PHF21A: variants seen among roughly 807,000 people sequenced by gnomAD.
PHF21A encodes the protein PHD finger protein 21A, also known as BHC80a.
In PHF21A, 11 loss-of-function variants were observed where a neutral mutation model predicts 82.5. The ratio of observed to expected loss-of-function variants is 0.13; its 90% CI spans 0.08 to 0.22. The LOEUF (loss-of-function observed/expected upper bound fraction) is 0.22, where lower values mean the gene tolerates loss of function less well. PHF21A is among the 10% of genes least tolerant of loss of function. The pLI, the probability that PHF21A is intolerant of heterozygous loss-of-function variation, is 1.00. For missense variants in PHF21A, 579 were observed against 837.8 expected, an observed-to-expected ratio of 0.69 and a Z score of 3.81; for synonymous variants, 297 against 302.8, an observed-to-expected ratio of 0.98 and a Z score of 0.20.
At chr11:46,057,249 C>T (rs1392245498) in intron 6 of PHF21A, among the ~76,000 whole-genome samples, 2 of 152,154 alleles carry the variant, frequency 1.3e-5, no homozygotes, top group African/African-American at 4.8e-5. Flanking sequence ...TATCAATGTA[C>T]ACTCAACTCA....
chr11:45,972,625 A>C (rs1453473342), intron 7 of PHF21A, among the ~76,000 whole-genome samples: 5 of 152,206 alleles, frequency 3.3e-5, no homozygotes, highest in African/African-American at 4.8e-5. Flanking sequence ...TAAGAATACA[A>C]AAAGTAGACC....
At chr11:45,946,144 A>G (rs1474477435) in intron 14 of PHF21A, 141 bp from the exon 15 acceptor site, 1 of 1,595,338 alleles carries the variant, frequency 6.3e-7, no homozygotes, top group Admixed American at 1.7e-5. Flanking sequence ...GGTTAATTCA[A>G]CAGTCCCAAA....
intron 10 of PHF21A, among the ~76,000 whole-genome samples, chr11:45,956,066 C>G (rs2945998): frequency 0.87 from 132,824 of 152,236 alleles, 58,264 homozygotes; most frequent in East Asian, 1. Context: ...AATTCTATAT[C>G]CTGCAAAACT....
chr11:46,024,673 C>T (rs553636315), intron 6 of PHF21A, among the ~76,000 whole-genome samples: 9 of 152,126 alleles, frequency 5.9e-5, no homozygotes, highest in East Asian at 1.9e-4. Context: ...TGGTGGCACA[C>T]GCCTATAATC....
In PHF21A at chr11:46,081,017, C is replaced by T. The variant is rs565037833; in HGVS notation, c.55-1851G>A. Among the ~76,000 whole-genome samples the T allele has an allele frequency of 3.9e-5, 6 of 152,278 alleles. No homozygotes were observed. The South Asian group carries it at 1.2e-3, about 32-fold the overall frequency. ...CCAGCTCAAATTTGCTGTTTCAGAC[C>T]TGCTGTGTGGTACGCTCACTGGACT... On this transcript the variant is annotated intron_variant, in intron 4 of 18. Coordinates refer to ENST00000676320, the MANE Select transcript of PHF21A (RefSeq NM_001352027.3).
At chr11:45,969,274 T>A (rs935670650) in intron 9 of PHF21A, among the ~76,000 whole-genome samples, 1 of 152,182 alleles carries the variant, frequency 6.6e-6, no homozygotes, top group Non-Finnish European at 1.5e-5. Context: ...GGAAGAACAC[T>A]CTCAGGAGAG....
At chr11:45,955,190 C>T (rs2092535612) in intron 10 of PHF21A, among the ~76,000 whole-genome samples, 1 of 152,064 alleles carries the variant, frequency 6.6e-6, no homozygotes, top group Non-Finnish European at 1.5e-5. Flanking sequence ...TATTATGGTA[C>T]TTCATGCAGA....
At chr11:46,081,780 T>A (rs956229172) in intron 4 of PHF21A, among the ~76,000 whole-genome samples, 1 of 152,238 alleles carries the variant, frequency 6.6e-6, no homozygotes, top group Non-Finnish European at 1.5e-5. Flanking sequence ...CCACCTGTTT[T>A]TGCAAATAAA....
chr11:46,029,615 A>G (rs7130281), intron 6 of PHF21A, among the ~76,000 whole-genome samples: 72,761 of 151,344 alleles, frequency 0.48, 20,024 homozygotes, highest in East Asian at 0.8. Context: ...TTGAACCCAG[A>G]AGGCAAAGGT....
In PHF21A at chr11:45,935,727, T is replaced by C; in HGVS notation, c.1697A>G (p.Glu566Gly). ...ACTCCATTTAAGTAACTTCTGTTTCTCTTCTTCTTTTGCTAAAAAAAAAAA... is the reference window on the plus strand; with the variant it reads ...ACTCCATTTAAGTAACTTCTGTTTCCCTTCTTCTTTTGCTAAAAAAAAAAA... ...YIAYKAAKEE[E>G]KQKLLKWSSD... The change falls in exon 18 of 19, where the codon GAG (glutamate) becomes GGG (glycine). Residue 566 changes from glutamate to glycine, a missense_variant. Physicochemically the swap from Glu to Gly is moderately conservative, Grantham distance 98 (BLOSUM62 -2). Around this residue, in one of 3 missense-constraint regions of PHF21A, gnomAD observed 157 missense variants for 149.4 expected, o/e 1.05. Transcript: ENST00000676320. 8.8e-7 allele frequency: 1 copy of C among 1,141,914 alleles called. No homozygotes were observed. The highest frequency in any genetic ancestry group is 1.3e-6 in the Non-Finnish European group (1 of 788,328). The allele number at this position is 1,141,914 out of a possible 1,614,324, so 70.7% of individuals were successfully genotyped here.
At chr11:45,996,929 T>C (rs180753063) in intron 6 of PHF21A, among the ~76,000 whole-genome samples, 3 of 152,340 alleles carry the variant, frequency 2.0e-5, no homozygotes, top group Admixed American at 6.5e-5. Context: ...AATGTATCCA[T>C]TGTAAATGTT....
At chr11:46,084,104 T>C (rs1219778260) in intron 4 of PHF21A, 62 bp downstream of exon 4, 1 of 1,159,716 alleles carries the variant, frequency 8.6e-7, no homozygotes, top group Non-Finnish European at 1.2e-6. Flanking sequence ...AGAGATGGAC[T>C]TGTTTACTAA....
intron 1 of PHF21A, among the ~76,000 whole-genome samples, chr11:46,092,961 C>G (rs1177217119): frequency 3.3e-5 from 5 of 151,960 alleles, no homozygotes; most frequent in Admixed American, 3.3e-4. Context: ...CACTGTGTTG[C>G]CCAAGCTGGT....
chr11:46,051,914 A>C (rs2096372896), intron 6 of PHF21A, among the ~76,000 whole-genome samples: 1 of 152,246 alleles, frequency 6.6e-6, no homozygotes, highest in African/African-American at 2.4e-5. Flanking sequence ...TAAAATATCC[A>C]AAAATAGCTT....
intron 6 of PHF21A, among the ~76,000 whole-genome samples, chr11:45,987,375 C>T (rs1462559924): frequency 6.6e-6 from 1 of 151,798 alleles, no homozygotes; most frequent in Non-Finnish European, 1.5e-5. Context: ...TAAAAAAGCA[C>T]CTGAGGCCAG....
intron 4 of PHF21A, among the ~76,000 whole-genome samples, chr11:46,080,768 A>C (rs2959086): frequency 1.3e-5 from 2 of 152,012 alleles, no homozygotes; most frequent in Non-Finnish European, 2.9e-5. Context: ...CCTGGGCTTC[A>C]GCAATCTTCC....
At chr11:46,082,296 T>C (rs1022225000) in intron 4 of PHF21A, among the ~76,000 whole-genome samples, 6 of 152,222 alleles carry the variant, frequency 3.9e-5, no homozygotes, top group Non-Finnish European at 4.4e-5. Flanking sequence ...AAAGCGTGGC[T>C]TTTGTCCCAC....
At chr11:45,970,993 T>G (rs2093708056) in intron 8 of PHF21A, 123 bp downstream of exon 8, 1 of 1,193,356 alleles carries the variant, frequency 8.4e-7, no homozygotes, top group East Asian at 2.5e-5. Context: ...AAAGGGGAAT[T>G]TGGTATGCTA....
intron 9 of PHF21A, among the ~76,000 whole-genome samples, chr11:45,969,439 A>G (rs1171930015): frequency 6.6e-6 from 1 of 152,218 alleles, no homozygotes; most frequent in Non-Finnish European, 1.5e-5. Context: ...TAGTTGGTTT[A>G]GCTGTTGTTT....
Sources: gnomAD v4.1 joint callset for allele counts (sites outside exome capture counted in the v4.1 genomes callset) on GRCh38, gnomAD v4.1.1 for gene constraint, gnomAD v4.1.1 regional missense constraint, MANE v1.5 for transcripts, NCBI Gene and HGNC (gene_info 2026-07-23, HGNC 2026-07-21) for gene names.